The following AGBL5 variants were observed in gnomAD, a reference collection of about 807,000 sequenced individuals.
The protein encoded by AGBL5 is cytosolic carboxypeptidase-like protein 5.
In AGBL5, 51 loss-of-function variants were observed where a neutral mutation model predicts 88.0. The observed-to-expected ratio is 0.58, with a 90% CI of 0.46 to 0.73. The LOEUF (loss-of-function observed/expected upper bound fraction) is 0.73. Ranked by LOEUF, AGBL5 falls within the 30% of genes least tolerant of loss-of-function variation. The pLI, the probability that AGBL5 is intolerant of heterozygous loss-of-function variation, is 0.00. For synonymous variants in AGBL5, 446 were observed against 438.8 expected (o/e 1.02, Z -0.21); for missense variants, 1,031 against 1,162.2 (o/e 0.89, Z 1.64).
chr2:27,066,234 C>CA (rs5830033), intron 11 of AGBL5, among the ~76,000 whole-genome samples: 87 of 84,380 alleles, frequency 1.0e-3, no homozygotes, highest in African/African-American at 2.4e-3. Context: ...ACCCTGTCTC[C>CA]AAAAAAAAAA....
chr2:27,059,593 G>A, intron 11 of AGBL5, 189 bp downstream of exon 11: 3 of 1,375,320 alleles, frequency 2.2e-6, no homozygotes, highest in South Asian at 1.5e-5. Flanking sequence ...GAGCGGTATT[G>A]TGTGTGGCCA....
chr2:27,060,966 T>TC (rs1376337711), intron 11 of AGBL5: 1 of 152,248 alleles, frequency 6.6e-6, no homozygotes, highest in African/African-American at 2.4e-5. Context: ...GAGTGGTTTC[T>TC]CCAAGATTGC....
chr2:27,067,720 T>C lies in AGBL5; in HGVS notation c.2242+74T>C, dbSNP rs753946915. On this transcript the variant is annotated intron_variant, in intron 12 of 14. Coordinates refer to ENST00000360131, the MANE Select transcript of AGBL5 (RefSeq NM_021831.6). ...GCCAGGCCAGGTTCTTTAAGCCTAG[T>C]TGGGAGACCAGGGGCATCACTTATC... 5 of 1,560,290 alleles carry C rather than the reference T, an allele frequency of 3.2e-6. No individual in the cohort carries two copies. In the Admixed American group the frequency reaches 6.7e-5, roughly 21 times the overall value.
chr2:27,064,127 A>C (rs1322170461), intron 11 of AGBL5, among the ~76,000 whole-genome samples: 1 of 152,160 alleles, frequency 6.6e-6, no homozygotes, highest in Admixed American at 6.5e-5. Flanking sequence ...TCATCCTGAC[A>C]TCCATTTTAA....
intron 8 of AGBL5, 198 bp downstream of exon 8, chr2:27,056,990 C>G: frequency 1.7e-6 from 1 of 583,580 alleles, no homozygotes; most frequent in South Asian, 3.3e-5. Flanking sequence ...GAGCGAAACT[C>G]CGTCTCAAAA....
chr2:27,067,478 T>TACAA lies in AGBL5; in HGVS notation c.2090-15_2090-14insCAAA. ...ACTTATTTGCCCTTTTATCTGCTTG[T>TACAA]ATCTCTTCCACTCAGAGCCCCGAAG... On this transcript the variant is annotated splice_polypyrimidine_tract_variant and intron_variant, in intron 11 of 14. Coordinates refer to ENST00000360131, the MANE Select transcript of AGBL5 (RefSeq NM_021831.6). 1 of 1,611,984 alleles carries TACAA rather than the reference T, an allele frequency of 6.2e-7. No homozygotes were observed. The highest frequency in any genetic ancestry group is 8.5e-7 in the Non-Finnish European group (1 of 1,178,394).
chr2:27,069,254 A>C lies in AGBL5; in HGVS notation c.2356-319A>C, dbSNP rs563817980. 71 of 985,360 alleles carry C rather than the reference A, an allele frequency of 7.2e-5. No individual in the cohort carries two copies. In the African/African-American group the frequency reaches 1.2e-3, roughly 17 times the overall value. The allele number at this position is 985,360 out of a possible 1,614,324, so 61.0% of individuals were successfully genotyped here. ...GCTAAAGCATAGAGGGCTCTGAGAGAGGTCTACCAACCCTCCACTATCTTT... is the reference window on the plus strand; with the variant it reads ...GCTAAAGCATAGAGGGCTCTGAGAGCGGTCTACCAACCCTCCACTATCTTT... On this transcript the variant is annotated intron_variant, in intron 13 of 14. Transcript: ENST00000360131.
chr2:27,057,255 C>G (rs528501838), intron 8 of AGBL5, 48 bp from the exon 9 acceptor site: 1 of 1,574,920 alleles, frequency 6.3e-7, no homozygotes, highest in East Asian at 2.3e-5. Flanking sequence ...ATGGTTCTGT[C>G]CTGGTATCTG....
chr2:27,056,577 G>C (rs185384779), intron 7 of AGBL5, 46 bp from the exon 8 acceptor site: 378 of 1,534,362 alleles, frequency 2.5e-4, no homozygotes, highest in Non-Finnish European at 3.2e-4. Context: ...CTTGCACCTT[G>C]TCCCTTCTGT....
Position 27,057,441 on chromosome 2 carries a change from A to T in AGBL5, c.1671+3A>T. 1.2e-6 allele frequency: 2 copies of T among 1,603,232 alleles called. No individual in the cohort carries two copies. The highest frequency in any genetic ancestry group is 1.3e-5 in the African/African-American group (1 of 74,736). ...ACACTGTGGAACTATTTGAGCAGGT[A>T]TGAATACATGGTGTAAGTGGGAAAA... On this transcript the variant is annotated splice_donor_region_variant and intron_variant, in intron 9 of 14. Transcript: ENST00000360131.
At chr2:27,050,561 C>T (rs1668028375), upstream of AGBL5, among the ~76,000 whole-genome samples, 1 of 152,230 alleles carries the variant, frequency 6.6e-6, no homozygotes, top group Non-Finnish European at 1.5e-5. Context: ...GTTAAAAAGC[C>T]GGGAAGCTCA....
intron 11 of AGBL5, 130 bp downstream of exon 11, chr2:27,059,534 A>T: frequency 6.5e-7 from 1 of 1,531,958 alleles, no homozygotes; most frequent in Non-Finnish European, 8.7e-7. Context: ...TTTGTAGCAG[A>T]ACCTGTGGCC....
At chr2:27,059,674 T>C (rs1302775064) in intron 11 of AGBL5, 3 of 664,084 alleles carry the variant, frequency 4.5e-6, no homozygotes, top group Non-Finnish European at 7.4e-6. Context: ...GATGAAACAC[T>C]AGCTGAAGCA....
rs781019965 is a variant in AGBL5 at position 27,055,961 on chromosome 2, A to G, written c.1188A>G (p.Glu396=). 6.2e-7 allele frequency: 1 copy of G among 1,614,252 alleles called. No individual in the cohort carries two copies. The highest frequency in any genetic ancestry group is 2.2e-5 in the East Asian group (1 of 44,892). ...CCTGGAAACAAACAGAGCCAGCAGA[A>G]CAGAAGCTCAACAGTGTGTGGATTA... ...AEAWKQTEPA[E]QKLNSVWIMP... is the part of the protein sequence containing the mutation. Residue 396 remains glutamate (E), a synonymous_variant, in exon 7 of 15, where the codon GAA becomes GAG. Coordinates refer to ENST00000360131, the MANE Select transcript of AGBL5 (RefSeq NM_021831.6).
chr2:27,070,246 G>T lies in AGBL5; in HGVS notation c.2644G>T (p.Val882Phe). The T allele has an allele frequency of 6.2e-7, 1 of 1,614,178 alleles. No individual in the cohort carries two copies. Among genetic ancestry groups the T allele is most frequent in the Non-Finnish European group, 8.5e-7 (1 of 1,180,030 alleles). The change falls in exon 15 of 15, where the codon GTT (valine) becomes TTT (phenylalanine). Residue 882 changes from valine (V) to phenylalanine (F), a missense_variant. Val to Phe is a conservative substitution (Grantham distance 50, BLOSUM62 -1). Transcript: ENST00000360131. ...TGTCCCTAAATCTCCCCCACTGACT[G>T]TTTCTCCCCGGGTCTGATAATGCCT... is the stretch of plus-strand genomic sequence containing the variant. The part of the protein sequence containing the change: ...CFVPKSPPLT[V>F]SPRV
intron 13 of AGBL5, chr2:27,069,274 A>T: frequency 1.0e-6 from 1 of 985,370 alleles, no homozygotes; most frequent in Non-Finnish European, 1.2e-6. Flanking sequence ...ACCCTCCACT[A>T]TCTTTCTACA....
At chr2:27,051,076 C>G (rs921676219), upstream of AGBL5, 1 of 152,220 alleles carries the variant, frequency 6.6e-6, no homozygotes, top group African/African-American at 2.4e-5. Context: ...CGATTATATG[C>G]TTGATTTTTA....
At chr2:27,050,712 C>CG (rs1668037572), upstream of AGBL5, among the ~76,000 whole-genome samples, 2 of 152,266 alleles carry the variant, frequency 1.3e-5, no homozygotes, top group South Asian at 4.1e-4. Context: ...CTGGAGAAAG[C>CG]GGGGGTCATG....
At chr2:27,062,126 T>G (rs1668745386) in intron 11 of AGBL5, among the ~76,000 whole-genome samples, 1 of 143,166 alleles carries the variant, frequency 7.0e-6, no homozygotes, top group Admixed American at 7.0e-5. Flanking sequence ...GGCCTTTTTT[T>G]TTTTTTTTTT....
Sources: allele counts gnomAD v4.1 joint callset (sites outside exome capture counted in the v4.1 genomes callset), GRCh38; gene constraint gnomAD v4.1.1; transcripts MANE v1.5; gene names NCBI Gene and HGNC (gene_info 2026-07-23, HGNC 2026-07-21).